FANCI: variants seen among roughly 807,000 people sequenced by gnomAD.
FANCI encodes FA complementation group I.
Under a neutral mutation model 176.1 loss-of-function variants are expected in FANCI, and 156 were observed. The ratio of observed to expected loss-of-function variants is 0.89; its 90% CI spans 0.78 to 1.01. The LOEUF (loss-of-function observed/expected upper bound fraction) is 1.01. Among genes scored for constraint, FANCI ranks in the 50% least tolerant of loss-of-function variants. The pLI, the probability that FANCI is intolerant of heterozygous loss-of-function variation, is 0.00. For missense variants in FANCI, 1,678 were observed against 1,534.1 expected, an observed-to-expected ratio of 1.09 and a Z score of -1.57; for synonymous variants, 613 against 541.7, an observed-to-expected ratio of 1.13 and a Z score of -1.83.
At chr15:89,258,152 C>G (rs2052576032) in intron 2 of FANCI, among the ~76,000 whole-genome samples, 1 of 152,098 alleles carries the variant, frequency 6.6e-6, no homozygotes, top group African/African-American at 2.4e-5. Flanking sequence ...GATCATACTT[C>G]CATCTGGAAT....
intron 27 of FANCI, among the ~76,000 whole-genome samples, chr15:89,301,856 T>C (rs978402919): frequency 6.6e-6 from 1 of 152,236 alleles, no homozygotes; most frequent in Non-Finnish European, 1.5e-5. Context: ...TCAGCACAGT[T>C]ACCTGGTACT....
intron 13 of FANCI, among the ~76,000 whole-genome samples, chr15:89,278,006 C>T (rs1596277762): frequency 6.6e-6 from 1 of 152,250 alleles, no homozygotes; most frequent in African/African-American, 2.4e-5. Context: ...CCCTGCTTAA[C>T]AGTGATATTG....
At chr15:89,286,587 G>A (rs556218773) in intron 18 of FANCI, among the ~76,000 whole-genome samples, 2 of 152,168 alleles carry the variant, frequency 1.3e-5, no homozygotes, top group South Asian at 4.1e-4. Context: ...TCTCAACAGT[G>A]GGCTTAAAAT....
intron 36 of FANCI, 134 bp downstream of exon 36, chr15:89,314,841 C>A: frequency 1.1e-5 from 6 of 545,702 alleles, no homozygotes; most frequent in South Asian, 4.1e-5. Context: ...CCCTCTCCCC[C>A]CCCCCCCCTT....
chr15:89,287,101 G>A (rs932657742), intron 18 of FANCI, among the ~76,000 whole-genome samples: 2 of 150,056 alleles, frequency 1.3e-5, no homozygotes, highest in Non-Finnish European at 3.0e-5. Context: ...AGCCTCCCAA[G>A]TAGCTGGGAC....
At chr15:89,301,479 C>T (rs199810791) in intron 27 of FANCI, 37 bp downstream of exon 27, 1 of 1,347,450 alleles carries the variant, frequency 7.4e-7, no homozygotes, top group South Asian at 1.2e-5. Context: ...TTTAGCATTC[C>T]TCAGAAGGCA....
rs762209993 is a variant in FANCI, at chr15:89,293,078, TA to T, written c.2291+17del. ...AGTAGTTTCAGGTAAGGTTTTGCTATAACTCCATTTGTAATTTGATGAATTC... is the reference window on the plus strand; with the variant it reads ...AGTAGTTTCAGGTAAGGTTTTGCTATACTCCATTTGTAATTTGATGAATTC... On this transcript the variant is annotated intron_variant, in intron 22 of 37. Coordinates refer to ENST00000310775, the MANE Select transcript of FANCI (RefSeq NM_001113378.2). 6.2e-7 allele frequency: 1 copy of T among 1,611,928 alleles called. No homozygotes were observed. Among genetic ancestry groups the T allele is most frequent in the Non-Finnish European group, 8.5e-7 (1 of 1,179,084 alleles).
chr15:89,303,868 T>G lies in FANCI; in HGVS notation c.3011T>G (p.Val1004Gly). 1 of 1,613,908 alleles carries G rather than the reference T, an allele frequency of 6.2e-7. No individual in the cohort carries two copies. Among genetic ancestry groups the G allele is most frequent in the Non-Finnish European group, 8.5e-7 (1 of 1,179,788 alleles). The change falls in exon 28 of 38, where the codon GTG (valine) becomes GGG (glycine). Residue 1004 changes from valine (V) to glycine (G), a missense_variant. Coordinates refer to ENST00000310775, the MANE Select transcript of FANCI (RefSeq NM_001113378.2). ...KLLEPSSPQF[V>G]QMLSWTSKIC... ...TCTGAATGATCTCTAATTTAGTTTG[T>G]GCAGATGTTATCCTGGACATCAAAG...
intron 18 of FANCI, among the ~76,000 whole-genome samples, chr15:89,285,830 C>T (rs2053793975): frequency 6.6e-6 from 1 of 151,958 alleles, no homozygotes; most frequent in African/African-American, 2.4e-5. Context: ...TTGTGTTTAC[C>T]TAAAGTGGTA....
intron 19 of FANCI, 34 bp downstream of exon 19, chr15:89,290,315 G>T: frequency 6.7e-7 from 1 of 1,497,838 alleles, no homozygotes; most frequent in South Asian, 1.1e-5. Context: ...ATGGAAAACA[G>T]ACCATCAAGG....
chr15:89,260,962 G>A, intron 4 of FANCI, 119 bp downstream of exon 4: 2 of 1,307,424 alleles, frequency 1.5e-6, no homozygotes, highest in South Asian at 1.2e-5. Context: ...AGTAAGACCT[G>A]TTGTTAAAAA....
intron 37 of FANCI, among the ~76,000 whole-genome samples, chr15:89,315,811 G>A (rs562566756): frequency 1.3e-5 from 2 of 152,198 alleles, no homozygotes; most frequent in African/African-American, 4.8e-5. Flanking sequence ...TTCCCTTGTG[G>A]TTTGTTCCTC....
chr15:89,296,093 A>G (rs966169110), intron 24 of FANCI, among the ~76,000 whole-genome samples: 2 of 151,840 alleles, frequency 1.3e-5, no homozygotes, highest in Admixed American at 1.3e-4. Context: ...TCAGTCTCCC[A>G]AGTAGCTGGG....
At chr15:89,277,630 A>AAAAAG (rs1555445436) in intron 13 of FANCI, among the ~76,000 whole-genome samples, 2 of 146,094 alleles carry the variant, frequency 1.4e-5, no homozygotes, top group East Asian at 2.0e-4. Flanking sequence ...AAAAAAAAAA[A>AAAAAG]AAGAATCATA....
At chr15:89,259,098 A>G (rs750260470) in intron 3 of FANCI, 1 of 336,020 alleles carries the variant, frequency 3.0e-6, no homozygotes, top group Non-Finnish European at 5.7e-6. Flanking sequence ...TACATAATCC[A>G]TGCTTAGCAA....
chr15:89,312,366 A>G (rs773617379), intron 34 of FANCI, among the ~76,000 whole-genome samples: 9 of 152,248 alleles, frequency 5.9e-5, no homozygotes, highest in Non-Finnish European at 1.3e-4. Context: ...TGCCAGCTCT[A>G]AGAACAACAG....
intron 10 of FANCI, 27 bp downstream of exon 10, chr15:89,268,552 G>C: frequency 6.2e-7 from 1 of 1,613,642 alleles, no homozygotes; most frequent in East Asian, 2.2e-5. Flanking sequence ...AAGGTGATCT[G>C]GGTCTCTTTT....
At position 89,306,016 on chromosome 15, in the gene FANCI, CTT is replaced by C; in HGVS notation, c.3360_3361del (p.Gln1122GlyfsTer9). 2 of 1,614,184 alleles carry C rather than the reference CTT, an allele frequency of 1.2e-6. No homozygotes were observed. The highest frequency in any genetic ancestry group is 2.2e-5 in the South Asian group (2 of 91,080). ...TTTTATTTCCCTTTAGAAGAGGCCTCTTCTCAGGCAACCCTACCAAATCAGCC... is the reference window on the plus strand; with the variant it reads ...TTTTATTTCCCTTTAGAAGAGGCCTCCTCAGGCAACCCTACCAAATCAGCC... On this transcript the variant is annotated frameshift_variant, in exon 32 of 38. Transcript: ENST00000310775. LOFTEE classifies it high-confidence loss of function.
At chr15:89,304,862 C>T (rs947291930) in intron 28 of FANCI, among the ~76,000 whole-genome samples, 3 of 152,212 alleles carry the variant, frequency 2.0e-5, no homozygotes, top group East Asian at 1.9e-4. Flanking sequence ...CCGCAGCCTC[C>T]GCCTCCTGGG....
Sources: allele counts gnomAD v4.1 joint callset (sites outside exome capture counted in the v4.1 genomes callset), GRCh38; gene constraint gnomAD v4.1.1; transcripts MANE v1.5; gene names NCBI Gene and HGNC (gene_info 2026-07-23, HGNC 2026-07-21).